KRABD3: variants seen among roughly 807,000 people sequenced by gnomAD.
KRABD3 encodes the protein KRAB domain containing 3.
At chr7:149,725,656 G>A in the KRABD3 span, among the ~76,000 whole-genome samples, 1 of 152,226 alleles carries the variant, frequency 6.6e-6, no homozygotes, top group Admixed American at 6.5e-5. Flanking sequence ...TGTGCTGAAA[G>A]CCAGTGCAGA....
At chr7:149,733,172 C>A in the KRABD3 span, 1 of 1,554,994 alleles carries the variant, frequency 6.4e-7, no homozygotes, top group Non-Finnish European at 8.7e-7. Flanking sequence ...CCTTACAAAC[C>A]AGGAACTCTG....
chr7:149,728,749 C>G, the KRABD3 span: 4 of 1,478,032 alleles, frequency 2.7e-6, no homozygotes, highest in Non-Finnish European at 3.7e-6. Context: ...CACCTGTGGG[C>G]TCAGATCTGC....
the KRABD3 span, chr7:149,721,655 G>A: frequency 8.7e-7 from 1 of 1,152,316 alleles, no homozygotes; most frequent in Non-Finnish European, 1.3e-6. Context: ...CCCCTGTTGT[G>A]CTGTTCTTTT....
the KRABD3 span, chr7:149,729,696 T>C: frequency 1.0e-6 from 1 of 985,440 alleles, no homozygotes; most frequent in Non-Finnish European, 1.2e-6. Context: ...CTAGATCTGC[T>C]GCAGGGCCTG....
chr7:149,733,238 C>T, the KRABD3 span: 2,818 of 1,609,216 alleles, frequency 1.8e-3, 13 homozygotes, highest in Non-Finnish European at 1.4e-3. Flanking sequence ...CCCCCAGGGC[C>T]CGCCTGAGCT....
the KRABD3 span, chr7:149,729,833 G>A: frequency 1.0e-6 from 1 of 985,286 alleles, no homozygotes; most frequent in African/African-American, 1.7e-5. Flanking sequence ...GATGGCACCT[G>A]CCTGGTGGGA....
the KRABD3 span, among the ~76,000 whole-genome samples, chr7:149,721,188 G>C: frequency 3.9e-5 from 6 of 152,172 alleles, no homozygotes; most frequent in Non-Finnish European, 8.8e-5. Flanking sequence ...TCTGACTTTC[G>C]CATGGTGGTT....
the KRABD3 span, chr7:149,729,101 A>G: frequency 1.2e-5 from 13 of 1,085,326 alleles, no homozygotes; most frequent in East Asian, 1.2e-4. Flanking sequence ...GAGCCCAGCA[A>G]TGGCAGAAAC....
the KRABD3 span, chr7:149,730,242 C>A: frequency 6.4e-7 from 1 of 1,556,804 alleles, no homozygotes; most frequent in East Asian, 2.4e-5. Flanking sequence ...CGTGGGAGGC[C>A]CCAGCCCCAG....
the KRABD3 span, among the ~76,000 whole-genome samples, chr7:149,716,618 T>C: frequency 6.6e-6 from 1 of 152,226 alleles, no homozygotes; most frequent in Non-Finnish European, 1.5e-5. Context: ...AAGAATTTTA[T>C]CACAAAACAG....
At chr7:149,730,330 C>T in the KRABD3 span, 43 of 1,542,902 alleles carry the variant, frequency 2.8e-5, no homozygotes, top group South Asian at 2.6e-4. Context: ...CTCTGGAAGC[C>T]GCTCCCCCAG....
chr7:149,731,412 G>C, the KRABD3 span, among the ~76,000 whole-genome samples: 1 of 152,140 alleles, frequency 6.6e-6, no homozygotes, highest in Non-Finnish European at 1.5e-5. Context: ...CCGCAGATGA[G>C]AGTCCTTTTT....
At chr7:149,729,188 G>T in the KRABD3 span, 31 of 1,517,548 alleles carry the variant, frequency 2.0e-5, no homozygotes, top group South Asian at 3.8e-4. Flanking sequence ...ATTAAAACAG[G>T]ACTGAGGGCT....
chr7:149,733,753 G>A, the KRABD3 span: 1 of 1,589,020 alleles, frequency 6.3e-7, no homozygotes. Flanking sequence ...CTTCCCAGCA[G>A]CTGCTGTCCT....
chr7:149,725,598 C>T, the KRABD3 span: 297 of 1,180,076 alleles, frequency 2.5e-4, no homozygotes, highest in Non-Finnish European at 3.3e-4. Flanking sequence ...GACACAGGCC[C>T]GTTCCCCCAG....
the KRABD3 span, chr7:149,733,676 G>A: frequency 1.8e-4 from 281 of 1,585,328 alleles, no homozygotes; most frequent in East Asian, 4.6e-4. Context: ...CAGAGGGACC[G>A]CTCGCCGGGC....
the KRABD3 span, chr7:149,719,576 C>CGGTTCTCGGAGGAGGAGTGG: frequency 1.2e-6 from 2 of 1,603,160 alleles, no homozygotes; most frequent in Non-Finnish European, 1.7e-6. The surrounding 1 kb of genome is among the most constrained non-coding windows in gnomAD (Gnocchi z 5.6). Flanking sequence ...CTTGGCCGTG[C>CGGTTCTCGGAGGAGGAGTGG]GGTTCTCGGA....
At chr7:149,733,625 C>T in the KRABD3 span, 2 of 1,592,662 alleles carry the variant, frequency 1.3e-6, no homozygotes, top group Non-Finnish European at 1.7e-6. Context: ...CCTGCGTGGC[C>T]AGGGAGAGAG....
the KRABD3 span, chr7:149,726,196 A>G: frequency 2.6e-6 from 2 of 766,030 alleles, no homozygotes; most frequent in Non-Finnish European, 4.1e-6. Context: ...AGGCAGGAGC[A>G]GATGCGGGAC....
Sources: allele counts gnomAD v4.1 joint callset (sites outside exome capture counted in the v4.1 genomes callset), GRCh38; gene constraint gnomAD v4.1.1; non-coding constraint Gnocchi (gnomAD v3.1); transcripts MANE v1.5; gene names NCBI Gene and HGNC (gene_info 2026-07-23, HGNC 2026-07-21).